The following NSD3 variants were observed in gnomAD, a reference collection of about 807,000 sequenced individuals.
NSD3 encodes histone-lysine N-methyltransferase NSD3.
A neutral mutation model predicts 160.8 loss-of-function variants in NSD3; 24 were observed. The ratio of observed to expected loss-of-function variants is 0.15; its 90% CI spans 0.11 to 0.21. The LOEUF is 0.21. Among genes scored for constraint, NSD3 ranks in the 10% least tolerant of loss-of-function variants. NSD3 has a pLI of 1.00. For missense variants in NSD3, 1,157 were observed against 1,735.9 expected, an observed-to-expected ratio of 0.67 and a Z score of 5.93; for synonymous variants, 520 against 600.0, an observed-to-expected ratio of 0.87 and a Z score of 1.95.
intron 20 of NSD3, 126 bp downstream of exon 20, chr8:38,281,339 AGC>A: frequency 2.2e-6 from 1 of 446,298 alleles, no homozygotes; most frequent in Non-Finnish European, 3.9e-6. Flanking sequence ...GCAGCACACT[AGC>A]TACTGCAAAT....
chr8:38,374,999 G>T lies in NSD3; in HGVS notation c.-45+6800C>A, dbSNP rs1439502941. 2.6e-5 allele frequency among the ~76,000 whole-genome samples: 4 copies of T among 151,988 alleles called. No individual in the cohort carries two copies. In the East Asian group the frequency reaches 5.8e-4, roughly 22 times the overall value. ...AGCCTGGGCAACAGAGGGAGACTCT[G>T]TCTCGAAAAAAAAATTTAAAAATAA... On this transcript the variant is annotated intron_variant, in intron 1 of 23. Transcript: ENST00000317025.
In NSD3 at chr8:38,269,932, A is replaced by T. The variant is rs1808381037; in HGVS notation, c.*5709T>A. On this transcript the variant is annotated 3_prime_UTR_variant, in exon 24 of 24. Coordinates refer to ENST00000317025, the MANE Select transcript of NSD3 (RefSeq NM_023034.2). ...TAAAGAAGCTTAAATATTACAGGCA[A>T]CCCTAAATACACTATAACTAGTCAA... The T allele has an allele frequency of 6.6e-6, 1 of 152,232 alleles. No individual in the cohort carries two copies. Among genetic ancestry groups the T allele is most frequent in the Admixed American group, 6.5e-5 (1 of 15,288 alleles). 9.4% of individuals were successfully genotyped at this position (152,232 alleles called of 1,614,324 possible). A position where few individuals can be genotyped will look rare whatever the true frequency, so the allele number is the denominator to read the frequency against.
chr8:38,289,558 G>C, intron 17 of NSD3, 53 bp from the exon 18 acceptor site: 1 of 1,526,206 alleles, frequency 6.6e-7, no homozygotes, highest in East Asian at 2.3e-5. Context: ...AAGGAAAATT[G>C]ATGGGATAGT....
chr8:38,360,267 G>A (rs1563367938), intron 1 of NSD3, among the ~76,000 whole-genome samples: 1 of 152,162 alleles, frequency 6.6e-6, no homozygotes. Context: ...TTACAGCCAT[G>A]AGCCACTGTG....
intron 19 of NSD3, among the ~76,000 whole-genome samples, chr8:38,287,888 G>A (rs1291592880): frequency 2.0e-5 from 3 of 152,188 alleles, no homozygotes; most frequent in Non-Finnish European, 2.9e-5. Context: ...TCCTGACCTC[G>A]GCTGTGACCA....
chr8:38,290,907 T>A (rs544340253), intron 16 of NSD3, among the ~76,000 whole-genome samples: 1 of 152,280 alleles, frequency 6.6e-6, no homozygotes, highest in Admixed American at 6.5e-5. Context: ...AAATATTTCA[T>A]ATTTATAAAA....
intron 2 of NSD3, among the ~76,000 whole-genome samples, chr8:38,346,151 T>C (rs1368912402): frequency 6.6e-6 from 1 of 150,850 alleles, no homozygotes; most frequent in Non-Finnish European, 1.5e-5. Flanking sequence ...CATATACATA[T>C]ATGTATGCAT....
At chr8:38,308,015 T>C (rs1204623715) in intron 12 of NSD3, among the ~76,000 whole-genome samples, 1 of 152,228 alleles carries the variant, frequency 6.6e-6, no homozygotes, top group East Asian at 1.9e-4. Flanking sequence ...CAAATTATAA[T>C]AACAAACTTG....
At chr8:38,311,263 T>C (rs1157302469) in intron 12 of NSD3, among the ~76,000 whole-genome samples, 2 of 152,146 alleles carry the variant, frequency 1.3e-5, no homozygotes, top group Non-Finnish European at 2.9e-5. Flanking sequence ...ATATTGACCA[T>C]CTGCCTATCT....
At chr8:38,372,814 T>TAAA (rs750072695) in intron 1 of NSD3, among the ~76,000 whole-genome samples, 4 of 121,818 alleles carry the variant, frequency 3.3e-5, no homozygotes, top group Non-Finnish European at 7.0e-5. Flanking sequence ...TTACTATTAT[T>TAAA]AAAAAAAAAA....
At chr8:38,282,226 TCAC>T (rs1442382571) in intron 19 of NSD3, among the ~76,000 whole-genome samples, 5 of 152,220 alleles carry the variant, frequency 3.3e-5, no homozygotes, top group African/African-American at 9.6e-5. Context: ...GATCATGTAA[TCAC>T]CACTGCAATC....
chr8:38,276,508 G>C lies in NSD3; in HGVS notation c.3868-8C>G. The C allele has an allele frequency of 1.9e-6, 3 of 1,613,998 alleles. No homozygotes were observed. Among genetic ancestry groups the C allele is most frequent in the Non-Finnish European group, 2.5e-6 (3 of 1,179,926 alleles). ...TGTTGACGCACATGCCGACTGGCAG[G>C]AAAGAAAGGATCATAGTTTCAAACA... On this transcript the variant is annotated splice_polypyrimidine_tract_variant and splice_region_variant and intron_variant, in intron 22 of 23. Coordinates refer to ENST00000317025, the MANE Select transcript of NSD3 (RefSeq NM_023034.2).
chr8:38,341,275 C>T (rs1810359431), intron 2 of NSD3, among the ~76,000 whole-genome samples: 1 of 151,878 alleles, frequency 6.6e-6, no homozygotes, highest in Non-Finnish European at 1.5e-5. Context: ...CACAGTAGCT[C>T]ACACCTGTAA....
At chr8:38,373,937 A>C (rs1328798152) in intron 1 of NSD3, among the ~76,000 whole-genome samples, 26 of 143,088 alleles carry the variant, frequency 1.8e-4, no homozygotes, top group African/African-American at 6.9e-4. Flanking sequence ...GTCTCTACAA[A>C]AAAAAAAAAA....
intron 1 of NSD3, among the ~76,000 whole-genome samples, chr8:38,374,111 T>C (rs956641806): frequency 2.0e-5 from 3 of 150,316 alleles, no homozygotes; most frequent in African/African-American, 7.3e-5. Flanking sequence ...GAAGACCCTG[T>C]CTCAAAAAAA....
intron 14 of NSD3, among the ~76,000 whole-genome samples, chr8:38,300,124 T>A (rs1390804312): frequency 6.6e-6 from 1 of 152,008 alleles, no homozygotes; most frequent in Non-Finnish European, 1.5e-5. Flanking sequence ...AATGAAACTC[T>A]TCTCTATCAA....
At chr8:38,305,879 C>CAT (rs1317622438) in intron 12 of NSD3, among the ~76,000 whole-genome samples, 2 of 152,028 alleles carry the variant, frequency 1.3e-5, no homozygotes, top group East Asian at 3.8e-4. Flanking sequence ...TACAGCTAGA[C>CAT]ATATCTTATT....
intron 1 of NSD3, among the ~76,000 whole-genome samples, chr8:38,353,472 C>A (rs888854608): frequency 6.6e-6 from 1 of 152,192 alleles, no homozygotes; most frequent in Non-Finnish European, 1.5e-5. Context: ...CTGTTGTATA[C>A]AAGATCAGCT....
chr8:38,281,574 C>A lies in NSD3; in HGVS notation c.3511G>T (p.Val1171Leu). Residue 1171 changes from valine (V) to leucine (L), a missense_variant, in exon 20 of 24, where the codon GTA (valine) becomes TTA (leucine). This residue lies in a region of NSD3 where 222 missense variants were observed against 409.9 expected (regional missense o/e 0.54). Coordinates refer to ENST00000317025, the MANE Select transcript of NSD3 (RefSeq NM_023034.2). ...ATTAATTCACCGACGTATTCATTTA[C>A]AAATTCACCCTGGAGATAAATGTGC... is the stretch of plus-strand genomic sequence containing the variant. Reference protein sequence around the residue: ...TKRSIKKGEFVNEYVGELIDE... With the variant: ...TKRSIKKGEFLNEYVGELIDE... 1 of 1,598,318 alleles carries A rather than the reference C, an allele frequency of 6.3e-7. No homozygotes were observed. Among genetic ancestry groups the A allele is most frequent in the South Asian group, 1.1e-5 (1 of 88,218 alleles).
Sources: gnomAD v4.1 joint callset for allele counts (sites outside exome capture counted in the v4.1 genomes callset) on GRCh38, gnomAD v4.1.1 for gene constraint, gnomAD v4.1.1 regional missense constraint, MANE v1.5 for transcripts, NCBI Gene and HGNC (gene_info 2026-07-23, HGNC 2026-07-21) for gene names.